WNT3A: variants seen among roughly 807,000 people sequenced by gnomAD.
WNT3A encodes Wnt family member 3A.
WNT3A carries 17 observed loss-of-function variants against 37.0 expected under a neutral mutation model. The ratio of observed to expected loss-of-function variants is 0.46; its 90% CI spans 0.31 to 0.69. The LOEUF (loss-of-function observed/expected upper bound fraction) is 0.69, where lower values mean the gene tolerates loss of function less well. Ranked by LOEUF, WNT3A falls within the 30% of genes least tolerant of loss-of-function variation. The pLI, the probability that WNT3A is intolerant of heterozygous loss-of-function variation, is 0.05. For missense variants in WNT3A, 411 were observed against 510.2 expected, an observed-to-expected ratio of 0.81 and a Z score of 1.87; for synonymous variants, 187 against 211.0, an observed-to-expected ratio of 0.89 and a Z score of 0.99.
chr1:228,011,798 G>T (rs981033484), intron 1 of WNT3A, among the ~76,000 whole-genome samples: 1 of 152,198 alleles, frequency 6.6e-6, no homozygotes, highest in African/African-American at 2.4e-5. Flanking sequence ...CAGGGCCCTG[G>T]GGGTGGCATT....
At chr1:228,058,751 G>A (rs1406470244) in intron 3 of WNT3A, among the ~76,000 whole-genome samples, 4 of 152,346 alleles carry the variant, frequency 2.6e-5, no homozygotes, top group Admixed American at 2.6e-4. Context: ...GCTAGGAGAC[G>A]GGAAGAGGGG....
rs1317875205 is a variant in WNT3A, at chr1:228,039,498, T to C, written c.314-11158T>C. Among the ~76,000 whole-genome samples the C allele has an allele frequency of 6.6e-6, 1 of 152,144 alleles. No individual in the cohort carries two copies. Among genetic ancestry groups the C allele is most frequent in the Non-Finnish European group, 1.5e-5 (1 of 68,016 alleles). On this transcript the variant is annotated intron_variant, in intron 2 of 3. Coordinates refer to ENST00000284523, the MANE Select transcript of WNT3A (RefSeq NM_033131.4). The surrounding 1 kb of genome is among the most constrained non-coding windows in gnomAD (Gnocchi z 4.1). ...ACCCCCTTCTCCTGGCAGGCTCCTG[T>C]TCAGGGTCTTGTCCAGGGTCCCATA...
In WNT3A at chr1:228,050,580, G is replaced by T; in HGVS notation, c.314-76G>T. The T allele has an allele frequency of 6.7e-7, 1 of 1,499,350 alleles. No individual in the cohort carries two copies. The allele number at this position is 1,499,350 out of a possible 1,614,324, so 92.9% of individuals were successfully genotyped here. ...AGTTCCTTTATAACAATGCAAATGGGCTAAGACCCCTGACCTGCCCAAGGC... is the reference window on the plus strand; with the variant it reads ...AGTTCCTTTATAACAATGCAAATGGTCTAAGACCCCTGACCTGCCCAAGGC... On this transcript the variant is annotated intron_variant, in intron 2 of 3. Coordinates refer to ENST00000284523, the MANE Select transcript of WNT3A (RefSeq NM_033131.4). This position sits in a 1 kb window ranked among gnomAD's most constrained non-coding sequence, Gnocchi z 5.0.
chr1:228,011,250 G>T (rs962927899), intron 1 of WNT3A, among the ~76,000 whole-genome samples: 4 of 152,094 alleles, frequency 2.6e-5, no homozygotes, highest in African/African-American at 4.8e-5. Context: ...GGACTGAGAG[G>T]GGCCAGTCGA....
At chr1:228,048,140 G>A (rs113829433) in intron 2 of WNT3A, among the ~76,000 whole-genome samples, 2,021 of 152,294 alleles carry the variant, frequency 0.013, 20 homozygotes, top group Non-Finnish European at 0.02. Flanking sequence ...ACGTAGCCCT[G>A]TATCCCCGCC....
In WNT3A at chr1:228,008,148, G is replaced by A. The variant is rs145170589; in HGVS notation, c.71+949G>A. On this transcript the variant is annotated intron_variant, in intron 1 of 3. Transcript: ENST00000284523. This position sits in a 1 kb window ranked among gnomAD's most constrained non-coding sequence, Gnocchi z 4.9. ...ACCAAGCAAGGATCACCCCAGTTCC[G>A]AATTAAGGGCGCTCTGAGATGCCCA... Among the ~76,000 whole-genome samples, 1 of 152,296 alleles carries A rather than the reference G, an allele frequency of 6.6e-6. No homozygotes were observed. The highest frequency in any genetic ancestry group is 1.9e-4 in the East Asian group (1 of 5,164).
At chr1:228,032,091 G>C (rs189393003) in intron 2 of WNT3A, among the ~76,000 whole-genome samples, 248 of 152,324 alleles carry the variant, frequency 1.6e-3, no homozygotes, top group African/African-American at 5.7e-3. Flanking sequence ...GAATGTCAGG[G>C]TGTCTCTCAC....
At chr1:228,026,404 G>T (rs978006694) in intron 2 of WNT3A, among the ~76,000 whole-genome samples, 3 of 152,002 alleles carry the variant, frequency 2.0e-5, no homozygotes, top group African/African-American at 7.2e-5. Context: ...AAAACTTTGA[G>T]CTGCCTGCAT....
Position 228,007,341 on chromosome 1 carries a change from T to G in WNT3A, c.71+142T>G. The G allele has an allele frequency of 1.3e-6, 1 of 763,866 alleles. No individual in the cohort carries two copies. Among genetic ancestry groups the G allele is most frequent in the Middle Eastern group, 3.4e-4 (1 of 2,942 alleles). 47.3% of individuals were successfully genotyped at this position (763,866 alleles called of 1,614,324 possible). On this transcript the variant is annotated intron_variant, in intron 1 of 3. Transcript: ENST00000284523. This position sits in a 1 kb window ranked among gnomAD's most constrained non-coding sequence, Gnocchi z 6.0. ...CGTGCGGGCCGCGGGCGGTTGGTTT[T>G]CCTTGACGGCCACTTTGGACCTGTT...
In WNT3A at chr1:228,037,888, C is replaced by A. The variant is rs1417090988; in HGVS notation, c.314-12768C>A. 6.6e-6 allele frequency among the ~76,000 whole-genome samples: 1 copy of A among 152,236 alleles called. No homozygotes were observed. The highest frequency in any genetic ancestry group is 1.5e-5 in the Non-Finnish European group (1 of 68,030). On this transcript the variant is annotated intron_variant, in intron 2 of 3. Coordinates refer to ENST00000284523, the MANE Select transcript of WNT3A (RefSeq NM_033131.4). The surrounding 1 kb of genome is among the most constrained non-coding windows in gnomAD (Gnocchi z 4.1). ...AAGCGTCTGAATGGGGATTTCCCCTCGCGCCGGACGGCCTGGCGCGCGGCG... is the reference window on the plus strand; with the variant it reads ...AAGCGTCTGAATGGGGATTTCCCCTAGCGCCGGACGGCCTGGCGCGCGGCG...
intron 2 of WNT3A, among the ~76,000 whole-genome samples, chr1:228,046,579 G>A (rs2031412871): frequency 6.6e-6 from 1 of 151,284 alleles, no homozygotes; most frequent in Non-Finnish European, 1.5e-5. Flanking sequence ...CATGGGGTGG[G>A]GTGTGTATAT....
At chr1:228,047,226 C>G (rs1367169671) in intron 2 of WNT3A, among the ~76,000 whole-genome samples, 1 of 152,152 alleles carries the variant, frequency 6.6e-6, no homozygotes, top group Non-Finnish European at 1.5e-5. Context: ...CTGACTTGGA[C>G]AGGGCCCTAG....
At chr1:228,056,114 A>G (rs531937505) in intron 3 of WNT3A, among the ~76,000 whole-genome samples, 2 of 152,258 alleles carry the variant, frequency 1.3e-5, no homozygotes, top group Non-Finnish European at 1.5e-5. Flanking sequence ...GAAGGTCCCA[A>G]TAAAGTGATG....
chr1:228,014,591 C>T (rs1039439102), intron 1 of WNT3A, among the ~76,000 whole-genome samples: 3 of 152,228 alleles, frequency 2.0e-5, no homozygotes, highest in East Asian at 1.9e-4. Flanking sequence ...TGTGTGGCTG[C>T]GAGAAGGCCC....
intron 1 of WNT3A, among the ~76,000 whole-genome samples, chr1:228,015,463 G>A (rs2030496922): frequency 6.6e-6 from 1 of 152,248 alleles, no homozygotes; most frequent in Non-Finnish European, 1.5e-5. Flanking sequence ...GGACGCTGTG[G>A]TGTTGGCAGT....
intron 2 of WNT3A, among the ~76,000 whole-genome samples, chr1:228,041,264 G>A (rs1212702594): frequency 6.6e-6 from 1 of 152,074 alleles, no homozygotes; most frequent in African/African-American, 2.4e-5. Context: ...CCCTGCATCT[G>A]ACAACTGCAC....
Position 228,059,096 on chromosome 1 carries a change from C to A in WNT3A, c.690C>A (p.Phe230Leu). 6.2e-7 allele frequency: 1 copy of A among 1,613,778 alleles called. No homozygotes were observed. The highest frequency in any genetic ancestry group is 8.5e-7 in the Non-Finnish European group (1 of 1,179,994). The change falls in exon 4 of 4, where the codon TTC becomes TTA. Residue 230 changes from phenylalanine (F) to leucine (L), a missense_variant. Transcript: ENST00000284523. Reference protein sequence around the residue: ...SQPDFRAIGDFLKDKYDSASE... With the variant: ...SQPDFRAIGDLLKDKYDSASE... ...CCGACTTCCGCGCCATCGGTGACTT[C>A]CTCAAGGACAAGTACGACAGCGCCT...
intron 1 of WNT3A, among the ~76,000 whole-genome samples, chr1:228,013,601 G>A (rs1317732513): frequency 6.6e-6 from 1 of 152,178 alleles, no homozygotes; most frequent in African/African-American, 2.4e-5. Flanking sequence ...GGACTGGGAA[G>A]GGTTGCCGAC....
intron 2 of WNT3A, among the ~76,000 whole-genome samples, chr1:228,028,761 G>C (rs2030917548): frequency 6.6e-6 from 1 of 152,202 alleles, no homozygotes; most frequent in Admixed American, 6.5e-5. Context: ...TACTGTCCAT[G>C]AGCATGGGAT....
Sources: allele counts gnomAD v4.1 joint callset (sites outside exome capture counted in the v4.1 genomes callset), GRCh38; gene constraint gnomAD v4.1.1; non-coding constraint Gnocchi (gnomAD v3.1); transcripts MANE v1.5; gene names NCBI Gene and HGNC (gene_info 2026-07-23, HGNC 2026-07-21).